The following TMEM14C variants were observed in gnomAD, a reference collection of about 807,000 sequenced individuals.
TMEM14C encodes the protein chromosome 6 open reading frame 53.
TMEM14C carries 13 observed loss-of-function variants against 14.8 expected under a neutral mutation model. The observed-to-expected ratio is 0.88, with a 90% CI of 0.57 to 1.40. The LOEUF (loss-of-function observed/expected upper bound fraction) is 1.40, where lower values mean the gene tolerates loss of function less well. TMEM14C is among the 40% of genes most tolerant of loss of function. The pLI is 0.00. For missense variants in TMEM14C, 142 were observed against 138.8 expected (o/e 1.02, Z -0.12); for synonymous variants, 57 against 51.3 (o/e 1.11, Z -0.48).
At chr6:10,729,212 A>G (rs1392063848) in intron 5 of TMEM14C, among the ~76,000 whole-genome samples, 5 of 152,150 alleles carry the variant, frequency 3.3e-5, no homozygotes, top group Admixed American at 2.6e-4. Context: ...GCTCACTGCA[A>G]TCACCATCTG....
In TMEM14C at chr6:10,723,084, CCT is replaced by C. The variant is rs1273639061; in HGVS notation, c.-198_-197del. ...GCACCGTCCCCATTCTCTGACCGCCCCTCTCCCGGTACACTGCGCAGGCACAA... is the reference window on the plus strand; with the variant it reads ...GCACCGTCCCCATTCTCTGACCGCCCCTCCCGGTACACTGCGCAGGCACAA... On this transcript the variant is annotated 5_prime_UTR_variant, in exon 1 of 6. Coordinates refer to ENST00000229563, the MANE Select transcript of TMEM14C (RefSeq NM_016462.4). The C allele has an allele frequency of 6.6e-6, 1 of 152,352 alleles. No homozygotes were observed. Among genetic ancestry groups the C allele is most frequent in the African/African-American group, 2.4e-5 (1 of 41,472 alleles). 9.4% of individuals were successfully genotyped at this position (152,352 alleles called of 1,614,324 possible). A position where few individuals can be genotyped will look rare whatever the true frequency, so the allele number is the denominator to read the frequency against.
At chr6:10,728,827 G>T in intron 5 of TMEM14C, 100 bp downstream of exon 5, 2 of 1,579,078 alleles carry the variant, frequency 1.3e-6, no homozygotes, top group Non-Finnish European at 1.7e-6. Flanking sequence ...GATATCTGAT[G>T]CTATGTATCA....
Position 10,730,905 on chromosome 6 carries a change from ATGT to A in TMEM14C, c.*243_*245del. The A allele has an allele frequency of 8.7e-6, 10 of 1,149,396 alleles. No individual in the cohort carries two copies. The highest frequency in any genetic ancestry group is 4.3e-5 in the East Asian group (1 of 23,460). 71.2% of individuals were successfully genotyped at this position (1,149,396 alleles called of 1,614,324 possible). On this transcript the variant is annotated 3_prime_UTR_variant, in exon 6 of 6. Coordinates refer to ENST00000229563, the MANE Select transcript of TMEM14C (RefSeq NM_016462.4). The stretch of plus-strand genomic sequence containing the variant: ...CATAGAGCTTGATTCTTGTATATTG[ATGT>A]TGTCTTTTCTTTCTGTATCTGTAGG...
In TMEM14C at chr6:10,730,907, G is replaced by T. The variant is rs1046213; in HGVS notation, c.*241G>T. 8.7e-7 allele frequency: 1 copy of T among 1,145,632 alleles called. No individual in the cohort carries two copies. The highest frequency in any genetic ancestry group is 1.1e-6 in the Non-Finnish European group (1 of 931,770). The allele number at this position is 1,145,632 out of a possible 1,614,324, so 71.0% of individuals were successfully genotyped here. A position where few individuals can be genotyped will look rare whatever the true frequency, so the allele number is the denominator to read the frequency against. On this transcript the variant is annotated 3_prime_UTR_variant, in exon 6 of 6. Coordinates refer to ENST00000229563, the MANE Select transcript of TMEM14C (RefSeq NM_016462.4). ...TAGAGCTTGATTCTTGTATATTGAT[G>T]TTGTCTTTTCTTTCTGTATCTGTAG...
At position 10,730,769 on chromosome 6, in the gene TMEM14C, C is replaced by A; in HGVS notation, c.*103C>A. 1 of 1,412,074 alleles carries A rather than the reference C, an allele frequency of 7.1e-7. No homozygotes were observed. The highest frequency in any genetic ancestry group is 9.3e-7 in the Non-Finnish European group (1 of 1,073,218). 87.5% of individuals were successfully genotyped at this position (1,412,074 alleles called of 1,614,324 possible). A position where few individuals can be genotyped will look rare whatever the true frequency, so the allele number is the denominator to read the frequency against. ...ATAAGTGCAGCATTTTTGCATCTGACATTTTACCTAAAAAAAAAGACACCA... is the reference window on the plus strand; with the variant it reads ...ATAAGTGCAGCATTTTTGCATCTGAAATTTTACCTAAAAAAAAAGACACCA... On this transcript the variant is annotated 3_prime_UTR_variant, in exon 6 of 6. Coordinates refer to ENST00000229563, the MANE Select transcript of TMEM14C (RefSeq NM_016462.4).
At chr6:10,727,554 G>C (rs759258087) in intron 4 of TMEM14C, among the ~76,000 whole-genome samples, 5 of 152,086 alleles carry the variant, frequency 3.3e-5, no homozygotes, top group African/African-American at 7.2e-5. Flanking sequence ...TGTCCAGGCT[G>C]GTCTGTAACT....
intron 5 of TMEM14C, chr6:10,728,932 A>G: frequency 2.3e-6 from 3 of 1,277,284 alleles, no homozygotes; most frequent in Non-Finnish European, 2.1e-6. Context: ...CACCGTGGAA[A>G]TGGGTTTGTT....
chr6:10,728,444 A>C lies in TMEM14C; in HGVS notation c.200-196A>C, dbSNP rs1035793674. 2.0e-5 allele frequency among the ~76,000 whole-genome samples: 3 copies of C among 152,176 alleles called. No homozygotes were observed. The South Asian group carries it at 6.2e-4, about 31-fold the overall frequency. ...AGGGCAGGCAGGACCCAGGCTGTGA[A>C]GGGCCCTATTTGGCCAATATTGGTA... is the stretch of plus-strand genomic sequence containing the variant. On this transcript the variant is annotated intron_variant, in intron 4 of 5. Transcript: ENST00000229563.
At chr6:10,729,231 G>A (rs1770960546) in intron 5 of TMEM14C, among the ~76,000 whole-genome samples, 1 of 152,178 alleles carries the variant, frequency 6.6e-6, no homozygotes, top group South Asian at 2.1e-4. Context: ...TGCCTCCCGG[G>A]TTCAAGCGAT....
At position 10,731,081 on chromosome 6, in the gene TMEM14C, A is replaced by G. The variant is rs1483639891; in HGVS notation, c.*415A>G. ...TCTTAGACCACAGACTGACTTTGAA[A>G]TTATGTTAAGTGAAATATCAATGAA... On this transcript the variant is annotated 3_prime_UTR_variant, in exon 6 of 6. Coordinates refer to ENST00000229563, the MANE Select transcript of TMEM14C (RefSeq NM_016462.4). 1 of 986,240 alleles carries G rather than the reference A, an allele frequency of 1.0e-6. No individual in the cohort carries two copies. The highest frequency in any genetic ancestry group is 1.2e-6 in the Non-Finnish European group (1 of 830,378). The allele number at this position is 986,240 out of a possible 1,614,324, so 61.1% of individuals were successfully genotyped here. A position where few individuals can be genotyped will look rare whatever the true frequency, so the allele number is the denominator to read the frequency against.
chr6:10,725,236 T>G (rs2275493), intron 3 of TMEM14C, among the ~76,000 whole-genome samples, 199 bp downstream of exon 3: 73,498 of 151,996 alleles, frequency 0.48, 20,561 homozygotes, highest in South Asian at 0.64. Context: ...CAGGCCTCTT[T>G]TGGAATTACT....
At chr6:10,725,108 C>G (rs1770817378) in intron 3 of TMEM14C, 71 bp downstream of exon 3, 1 of 1,577,378 alleles carries the variant, frequency 6.3e-7, no homozygotes, top group African/African-American at 1.4e-5. Context: ...TGCCCGTGTC[C>G]CTGAGAAGCA....
chr6:10,730,774 T>C lies in TMEM14C; in HGVS notation c.*108T>C. On this transcript the variant is annotated 3_prime_UTR_variant, in exon 6 of 6. Transcript: ENST00000229563. ...TGCAGCATTTTTGCATCTGACATTT[T>C]ACCTAAAAAAAAAGACACCAAACTT... 3 of 1,407,802 alleles carry C rather than the reference T, an allele frequency of 2.1e-6. No homozygotes were observed. The allele number at this position is 1,407,802 out of a possible 1,614,324, so 87.2% of individuals were successfully genotyped here. A position where few individuals can be genotyped will look rare whatever the true frequency, so the allele number is the denominator to read the frequency against.
intron 5 of TMEM14C, among the ~76,000 whole-genome samples, chr6:10,729,631 G>A (rs112177767): frequency 0.02 from 3,069 of 152,020 alleles, 100 homozygotes; most frequent in African/African-American, 0.069. Context: ...ACAAAAATTA[G>A]CTGGTTATGG....
chr6:10,728,576 C>T (rs1770934562), intron 4 of TMEM14C, 64 bp from the exon 5 acceptor site: 2 of 1,564,660 alleles, frequency 1.3e-6, no homozygotes, highest in South Asian at 1.1e-5. Flanking sequence ...GCTTGGCCCA[C>T]TTCTGATTCC....
At chr6:10,725,312 A>G (rs757057642) in intron 3 of TMEM14C, among the ~76,000 whole-genome samples, 6 of 152,140 alleles carry the variant, frequency 3.9e-5, no homozygotes, top group South Asian at 2.1e-4. Flanking sequence ...GTTGACTGCC[A>G]TTCATCAGCC....
intron 4 of TMEM14C, among the ~76,000 whole-genome samples, chr6:10,726,734 C>T (rs1017153484): frequency 2.0e-5 from 3 of 152,168 alleles, no homozygotes; most frequent in Non-Finnish European, 4.4e-5. Flanking sequence ...TGGAAAGGTA[C>T]CCTGTAAGCA....
At chr6:10,725,321 C>T (rs1279141315) in intron 3 of TMEM14C, among the ~76,000 whole-genome samples, 1 of 152,130 alleles carries the variant, frequency 6.6e-6, no homozygotes, top group African/African-American at 2.4e-5. Context: ...CATTCATCAG[C>T]CACGACCCCC....
Position 10,728,639 on chromosome 6 carries a change from G to C in TMEM14C, c.200-1G>C, listed in dbSNP as rs1266827390. The C allele has an allele frequency of 6.2e-7, 1 of 1,613,970 alleles. No homozygotes were observed. The highest frequency in any genetic ancestry group is 1.7e-5 in the Admixed American group (1 of 60,016). On this transcript the variant is annotated splice_acceptor_variant, in intron 4 of 5. Transcript: ENST00000229563. LOFTEE classifies it high-confidence loss of function. ...ACACTTCTTTATATGTTTTTCATCAGCTACATCTGGTACCTTGGCTGGCAT... is the reference window on the plus strand; with the variant it reads ...ACACTTCTTTATATGTTTTTCATCACCTACATCTGGTACCTTGGCTGGCAT...
Sources: gnomAD v4.1 joint callset for allele counts (sites outside exome capture counted in the v4.1 genomes callset) on GRCh38, gnomAD v4.1.1 for gene constraint, MANE v1.5 for transcripts, NCBI Gene and HGNC (gene_info 2026-07-23, HGNC 2026-07-21) for gene names.